The following MAP3K6 variants were observed in gnomAD, a reference collection of about 807,000 sequenced individuals.
The protein encoded by MAP3K6 is mitogen-activated protein kinase kinase kinase 6.
In MAP3K6, 105 loss-of-function variants were observed where a neutral mutation model predicts 147.1. The ratio of observed to expected loss-of-function variants is 0.71; its 90% CI spans 0.61 to 0.84. The LOEUF (loss-of-function observed/expected upper bound fraction) is 0.84. Ranked by LOEUF, MAP3K6 falls within the 40% of genes least tolerant of loss-of-function variation. The probability of loss-of-function intolerance (pLI) is 0.00; values close to 1 mark genes in which losing one functional copy is unlikely to be tolerated. For synonymous variants in MAP3K6, 695 were observed against 732.4 expected (o/e 0.95, Z 0.82); for missense variants, 1,569 against 1,715.0 (o/e 0.91, Z 1.50).
chr1:27,360,307 C>A lies in MAP3K6; in HGVS notation c.2116G>T (p.Val706Leu). Residue 706 changes from valine (V) to leucine (L), a missense_variant, in exon 16 of 29, where the codon GTG becomes TTG. Coordinates refer to ENST00000357582, the MANE Select transcript of MAP3K6 (RefSeq NM_004672.5). This position sits in a 1 kb window ranked among gnomAD's most constrained non-coding sequence, Gnocchi z 4.5. ...TGGCTAGCTGAGCCCAGATAGCGCA[C>A]TATGTTCTTGTGGCGCAGGCGTCTG... ...LHRRLRHKNI[V>L]RYLGSASQGG... The A allele has an allele frequency of 6.2e-7, 1 of 1,614,104 alleles. No individual in the cohort carries two copies. Among genetic ancestry groups the A allele is most frequent in the Non-Finnish European group, 8.5e-7 (1 of 1,180,008 alleles).
intron 5 of MAP3K6, 32 bp from the exon 6 acceptor site, chr1:27,363,580 T>C (rs2015863817): frequency 1.3e-6 from 2 of 1,540,510 alleles, no homozygotes; most frequent in Non-Finnish European, 1.8e-6. Flanking sequence ...ACTGGCATCA[T>C]GGGCCTCCAG....
rs553500424 is a variant in MAP3K6, at chr1:27,358,484, G to C, written c.2711C>G (p.Pro904Arg). ...RASAQTLLGDPFLQPGKRSRS... is the reference protein window; with the variant it reads ...RASAQTLLGDRFLQPGKRSRS... ...GCTCCTTTTCCCAGGCTGCAGGAAG[G>C]GGTCCCCCAGCAGTGTCTGGGCGCT... Residue 904 changes from proline (P) to arginine (R), a missense_variant, in exon 20 of 29, where the codon CCC (proline) becomes CGC (arginine). Pro to Arg is a moderately radical substitution (Grantham distance 103). Transcript: ENST00000357582. This position sits in a 1 kb window ranked among gnomAD's most constrained non-coding sequence, Gnocchi z 6.2. 1 of 1,596,102 alleles carries C rather than the reference G, an allele frequency of 6.3e-7. No individual in the cohort carries two copies. The highest frequency in any genetic ancestry group is 1.9e-5 in the Admixed American group (1 of 52,992).
At position 27,360,786 on chromosome 1, in the gene MAP3K6, G is replaced by A. The variant is rs563940711; in HGVS notation, c.1973C>T (p.Thr658Met). The A allele has an allele frequency of 1.9e-6, 3 of 1,612,714 alleles. No homozygotes were observed. The highest frequency in any genetic ancestry group is 2.5e-6 in the Non-Finnish European group (3 of 1,179,868). Residue 658 changes from threonine to methionine, a missense_variant, in exon 15 of 29, where the codon ACG (threonine) becomes ATG (methionine). Thr to Met is a moderately conservative substitution (Grantham distance 81). Transcript: ENST00000357582. The surrounding 1 kb of genome is among the most constrained non-coding windows in gnomAD (Gnocchi z 4.5). ...GCGGCCCGCGTACACCACCCCATAC[G>A]TGCCCTTGCCCAGCACCAGCCGCTC... The part of the protein sequence containing the change: ...TGERLVLGKG[T>M]YGVVYAGRDR...
At position 27,360,569 on chromosome 1, in the gene MAP3K6, C is replaced by A; in HGVS notation, c.2054+136G>T. ...GTCCTGGCTGTTCCGCCCACGGGCC[C>A]AGTCCACAGGGCTCGAACTCTCAGG... On this transcript the variant is annotated intron_variant, in intron 15 of 28. Coordinates refer to ENST00000357582, the MANE Select transcript of MAP3K6 (RefSeq NM_004672.5). This position sits in a 1 kb window ranked among gnomAD's most constrained non-coding sequence, Gnocchi z 4.5. 2 of 1,413,194 alleles carry A rather than the reference C, an allele frequency of 1.4e-6. No homozygotes were observed. The highest frequency in any genetic ancestry group is 2.8e-5 in the South Asian group (2 of 70,724). The allele number at this position is 1,413,194 out of a possible 1,614,324, so 87.5% of individuals were successfully genotyped here.
Position 27,362,223 on chromosome 1 carries a change from C to T in MAP3K6, c.1283G>A (p.Arg428His), listed in dbSNP as rs760459543. 57 of 1,612,364 alleles carry T rather than the reference C, an allele frequency of 3.5e-5. No homozygotes were observed. Among genetic ancestry groups the T allele is most frequent in the Middle Eastern group, 1.6e-4 (1 of 6,068 alleles). The stretch of plus-strand genomic sequence containing the variant: ...CTGCATCTTCTCCACGCAGCCTTTG[C>T]GGGCCAGCAGGCAGCCCAGCTTCAT... The part of the protein sequence containing the change: ...IGMKLGCLLA[R>H]KGCVEKMQYY... The change falls in exon 9 of 29, where the codon CGC becomes CAC. Residue 428 changes from arginine (R) to histidine (H), a missense_variant. Arg to His is a conservative substitution (Grantham distance 29). Transcript: ENST00000357582.
chr1:27,360,098 C>T lies in MAP3K6; in HGVS notation c.2183-104G>A. On this transcript the variant is annotated intron_variant, in intron 16 of 28. Transcript: ENST00000357582. The surrounding 1 kb of genome is among the most constrained non-coding windows in gnomAD (Gnocchi z 4.5). ...CCCATGTTGTAGCCCAACTCCATCA[C>T]CCAGCGCCACTCCTCAGCTAATTCT... 5 of 1,580,078 alleles carry T rather than the reference C, an allele frequency of 3.2e-6. No homozygotes were observed. Among genetic ancestry groups the T allele is most frequent in the South Asian group, 2.3e-5 (2 of 87,312 alleles).
Position 27,360,268 on chromosome 1 carries a change from T to C in MAP3K6, c.2155A>G (p.Lys719Glu), listed in dbSNP as rs2015698202. 1 of 1,614,052 alleles carries C rather than the reference T, an allele frequency of 6.2e-7. No individual in the cohort carries two copies. The highest frequency in any genetic ancestry group is 2.2e-5 in the East Asian group (1 of 44,880). Residue 719 changes from lysine to glutamate, a missense_variant, in exon 16 of 29, where the codon AAG becomes GAG. By Grantham distance (56) the Lys-to-Glu change is moderately conservative. Coordinates refer to ENST00000357582, the MANE Select transcript of MAP3K6 (RefSeq NM_004672.5). The surrounding 1 kb of genome is among the most constrained non-coding windows in gnomAD (Gnocchi z 4.5). Reference protein sequence around the residue: ...LGSASQGGYLKIFMEEVPGGS... With the variant: ...LGSASQGGYLEIFMEEVPGGS... ...CCAGGCACTTCCTCCATGAAGATCT[T>C]AAGGTAGCCGCCCTGGCTAGCTGAG...
chr1:27,363,098 G>C, intron 6 of MAP3K6, 77 bp from the exon 7 acceptor site: 1 of 1,353,164 alleles, frequency 7.4e-7, no homozygotes, highest in Non-Finnish European at 1.0e-6. Context: ...CACTGAACCA[G>C]CAGGGACCCT....
At chr1:27,365,355 C>T (rs1170511489) in intron 1 of MAP3K6, among the ~76,000 whole-genome samples, 1 of 152,234 alleles carries the variant, frequency 6.6e-6, no homozygotes, top group African/African-American at 2.4e-5. Flanking sequence ...GTATAGCTTA[C>T]TATGTCTGAC....
rs1381643124 is a variant in MAP3K6 at position 27,361,561 on chromosome 1, CT to C, written c.1644del (p.Val549Ter). 2.5e-6 allele frequency: 4 copies of C among 1,614,232 alleles called. No homozygotes were observed. Among genetic ancestry groups the C allele is most frequent in the Non-Finnish European group, 3.4e-6 (4 of 1,180,052 alleles). On this transcript the variant is annotated frameshift_variant, in exon 11 of 29. Transcript: ENST00000357582. LOFTEE classifies it high-confidence loss of function. The part of the protein sequence containing the change: ...PAKLEVRGTD[P>X]VSTVTLSLLE... Reference sequence around the variant, plus strand: ...AGCAGGCTCAGGGTCACTGTGCTTACTGGGTCAGTACCCCGAACCTCGAGCT... The same window carrying C: ...AGCAGGCTCAGGGTCACTGTGCTTACGGGTCAGTACCCCGAACCTCGAGCT...
chr1:27,355,489 T>C lies in MAP3K6; in HGVS notation c.3789-20A>G. ...CCTCCCCTGGGGGTAATGGACTCAG[T>C]GTGGCTCAGCCAGAAGGTGGCCCTG... On this transcript the variant is annotated intron_variant, in intron 28 of 28. Transcript: ENST00000357582. 6.2e-7 allele frequency: 1 copy of C among 1,613,458 alleles called. No individual in the cohort carries two copies. The highest frequency in any genetic ancestry group is 2.2e-5 in the East Asian group (1 of 44,878).
rs769089041 is a variant in MAP3K6 at position 27,361,041 on chromosome 1, G to A, written c.1833-33C>T. 11 of 1,542,236 alleles carry A rather than the reference G, an allele frequency of 7.1e-6. No homozygotes were observed. The South Asian group carries it at 7.3e-5, about 10-fold the overall frequency. ...TGGGGGAGGTCAGACCCGCGGGAGG[G>A]GCATCTTGGTCCCCACCTAAGCCGG... On this transcript the variant is annotated intron_variant, in intron 13 of 28. Coordinates refer to ENST00000357582, the MANE Select transcript of MAP3K6 (RefSeq NM_004672.5).
chr1:27,357,124 G>T lies in MAP3K6; in HGVS notation c.3259-10C>A, dbSNP rs111568119. On this transcript the variant is annotated splice_polypyrimidine_tract_variant and intron_variant, in intron 23 of 28. Coordinates refer to ENST00000357582, the MANE Select transcript of MAP3K6 (RefSeq NM_004672.5). The stretch of plus-strand genomic sequence containing the variant: ...GGAGGATCTGCTTCACCTGCAGGGG[G>T]AGGGAGGCGCCGCTGAGACAGCTGA... The T allele has an allele frequency of 1.2e-6, 2 of 1,609,946 alleles. No individual in the cohort carries two copies. The highest frequency in any genetic ancestry group is 1.7e-6 in the Non-Finnish European group (2 of 1,176,548).
At chr1:27,355,520 T>C (rs1167576675) in intron 28 of MAP3K6, 51 bp from the exon 29 acceptor site, 2 of 1,594,106 alleles carry the variant, frequency 1.3e-6, no homozygotes, top group South Asian at 1.1e-5. Flanking sequence ...CCCTGGACTC[T>C]ATCTTGCACA....
chr1:27,362,381 G>T, intron 8 of MAP3K6, 131 bp from the exon 9 acceptor site: 1 of 945,446 alleles, frequency 1.1e-6, no homozygotes, highest in Non-Finnish European at 1.6e-6. Context: ...GATCTCGGGT[G>T]GGAACAGGAG....
chr1:27,358,425 G>T lies in MAP3K6; in HGVS notation c.2770C>A (p.Pro924Thr), dbSNP rs897389484. ...TCCCGCCACCCGCAAGCACCTGAGG[G>T]CCGTGGAGCATGTCGTGGGGAGCTG... is the stretch of plus-strand genomic sequence containing the variant. The part of the protein sequence containing the change: ...SPSSPRHAPR[P>T]SDAPSASPTP... The change falls in exon 20 of 29, where the codon CCC becomes ACC. Residue 924 changes from proline to threonine, a missense_variant. Transcript: ENST00000357582. This position sits in a 1 kb window ranked among gnomAD's most constrained non-coding sequence, Gnocchi z 6.2. 7 of 1,591,620 alleles carry T rather than the reference G, an allele frequency of 4.4e-6. No homozygotes were observed. Among genetic ancestry groups the T allele is most frequent in the Non-Finnish European group, 6.0e-6 (7 of 1,173,058 alleles).
chr1:27,358,172 T>A lies in MAP3K6; in HGVS notation c.2915+9A>T, dbSNP rs60429450. ...CAAAAGGAACCCATCCCAGGAGCCT[T>A]GGTCTCACCGGAGCTGGCTGGTGCC... On this transcript the variant is annotated intron_variant, in intron 21 of 28. Transcript: ENST00000357582. This position sits in a 1 kb window ranked among gnomAD's most constrained non-coding sequence, Gnocchi z 6.2. 2.3e-3 allele frequency: 3,577 copies of A among 1,573,354 alleles called. 70 individuals are homozygous for A. The African/African-American group carries it at 0.041, about 18-fold the overall frequency.
Position 27,366,784 on chromosome 1 carries a change from T to A in MAP3K6, c.-187A>T. ...GAATCTAAAGTCCAGGGAGAAATCC[T>A]AGCTCGGACTTGCAAGGTCCTGAGG... On this transcript the variant is annotated 5_prime_UTR_variant, in exon 1 of 29. It removes the in-frame stop codon of an upstream open reading frame in the 5' UTR. Coordinates refer to ENST00000357582, the MANE Select transcript of MAP3K6 (RefSeq NM_004672.5). The surrounding 1 kb of genome is among the most constrained non-coding windows in gnomAD (Gnocchi z 5.5). 1 of 304,874 alleles carries A rather than the reference T, an allele frequency of 3.3e-6. No homozygotes were observed. The highest frequency in any genetic ancestry group is 4.9e-6 in the Non-Finnish European group (1 of 204,996). The allele number at this position is 304,874 out of a possible 1,614,324, so 18.9% of individuals were successfully genotyped here. A position where few individuals can be genotyped will look rare whatever the true frequency, so the allele number is the denominator to read the frequency against.
Position 27,362,577 on chromosome 1 carries a change from C to T in MAP3K6, c.1255+64G>A, listed in dbSNP as rs2015818240. ...TCTTGCCCAGTGTGCTCTCTCCCTG[C>T]CCTCTTCCCAGGCCCCTCGGAACCC... On this transcript the variant is annotated intron_variant, in intron 8 of 28. Transcript: ENST00000357582. The T allele has an allele frequency of 4.7e-6, 6 of 1,275,712 alleles. No individual in the cohort carries two copies. The South Asian group carries it at 7.0e-5, about 15-fold the overall frequency. 79.0% of individuals were successfully genotyped at this position (1,275,712 alleles called of 1,614,324 possible). A position where few individuals can be genotyped will look rare whatever the true frequency, so the allele number is the denominator to read the frequency against.
Sources: allele counts gnomAD v4.1 joint callset (sites outside exome capture counted in the v4.1 genomes callset), GRCh38; gene constraint gnomAD v4.1.1; non-coding constraint Gnocchi (gnomAD v3.1); transcripts MANE v1.5; gene names NCBI Gene and HGNC (gene_info 2026-07-23, HGNC 2026-07-21).